Variants in ARID1B observed in about 807,000 individuals in gnomAD.
The protein encoded by ARID1B is AT-rich interactive domain-containing protein 1B.
A neutral mutation model predicts 212.3 loss-of-function variants in ARID1B; 30 were observed. The observed-to-expected ratio is 0.14, with a 90% confidence interval of 0.11 to 0.19. The LOEUF is 0.19. Ranked by LOEUF, ARID1B falls within the 10% of genes least tolerant of loss-of-function variation. ARID1B has a pLI of 1.00. For synonymous variants in ARID1B, 1,402 were observed against 1,301.7 expected (o/e 1.08, Z -1.66); for missense variants, 2,891 against 3,204.0 (o/e 0.90, Z 2.36).
intron 3 of ARID1B, among the ~76,000 whole-genome samples, chr6:156,905,740 C>T (rs541273747): frequency 6.6e-6 from 1 of 152,016 alleles, no homozygotes; most frequent in East Asian, 1.9e-4. Flanking sequence ...GTAGTATATC[C>T]TCATTATCCT....
intron 1 of ARID1B, among the ~76,000 whole-genome samples, chr6:156,823,575 A>C (rs1472132455): frequency 2.0e-5 from 3 of 152,204 alleles, no homozygotes; most frequent in Non-Finnish European, 4.4e-5. Context: ...TGTTTCCCGA[A>C]CAATGGTTCA....
chr6:156,959,182 T>C (rs1794180630), intron 4 of ARID1B, among the ~76,000 whole-genome samples: 5 of 152,124 alleles, frequency 3.3e-5, no homozygotes, highest in Admixed American at 3.3e-4. Context: ...TTGGGAAGGG[T>C]GAGTGTGGGA....
intron 2 of ARID1B, among the ~76,000 whole-genome samples, chr6:156,833,398 GTTAT>G (rs1024671993): frequency 9.9e-5 from 15 of 152,160 alleles, no homozygotes; most frequent in African/African-American, 2.6e-4. Context: ...CAGAAGCTGA[GTTAT>G]TTATTTGTGT....
chr6:156,883,829 A>T (rs1364092360), intron 2 of ARID1B, among the ~76,000 whole-genome samples: 1 of 152,108 alleles, frequency 6.6e-6, no homozygotes, highest in Non-Finnish European at 1.5e-5. Context: ...GTTTCCTGTT[A>T]ACCTGCCCTG....
chr6:157,036,977 T>C (rs950604077), intron 4 of ARID1B: 9 of 413,428 alleles, frequency 2.2e-5, no homozygotes, highest in Non-Finnish European at 4.2e-5. Context: ...TTAATCATAA[T>C]CAAAACACTG....
rs762465807 is a variant in ARID1B at position 157,203,965 on chromosome 6, A to C, written c.5363A>C (p.Asp1788Ala). The C allele has an allele frequency of 6.2e-7, 1 of 1,614,144 alleles. No homozygotes were observed. Among genetic ancestry groups the C allele is most frequent in the Non-Finnish European group, 8.5e-7 (1 of 1,180,004 alleles). ...LDTINILLYD[D>A]STVATFNLSQ... ...ACTATTAATATTCTTCTGTATGATGACAGCACTGTTGCTACTTTCAATCTC... is the reference window on the plus strand; with the variant it reads ...ACTATTAATATTCTTCTGTATGATGCCAGCACTGTTGCTACTTTCAATCTC... The change falls in exon 19 of 20, where the codon GAC becomes GCC. Residue 1788 changes from aspartate (D) to alanine (A), a missense_variant. Around this residue, in one of 7 missense-constraint regions of ARID1B, gnomAD observed 332 missense variants for 369.2 expected, o/e 0.90. Transcript: ENST00000636930. The surrounding 1 kb of genome is among the most constrained non-coding windows in gnomAD (Gnocchi z 4.4).
At position 157,167,326 on chromosome 6, in the gene ARID1B, A is replaced by G. The variant is rs1254776037; in HGVS notation, c.3235+141A>G. ...GAATCATACTACTTTTCTGCTTCTC[A>G]GAAACTTGCTCCATCTATTTAAGAC... is the stretch of plus-strand genomic sequence containing the variant. On this transcript the variant is annotated intron_variant, in intron 9 of 19. Transcript: ENST00000636930. 5.0e-6 allele frequency: 5 copies of G among 994,216 alleles called. No individual in the cohort carries two copies. In the East Asian group the frequency reaches 1.3e-4, roughly 26 times the overall value. 61.6% of individuals were successfully genotyped at this position (994,216 alleles called of 1,614,324 possible). A position where few individuals can be genotyped will look rare whatever the true frequency, so the allele number is the denominator to read the frequency against.
chr6:157,099,672 G>A (rs182390334), intron 5 of ARID1B, among the ~76,000 whole-genome samples: 16 of 152,258 alleles, frequency 1.1e-4, no homozygotes, highest in Admixed American at 5.2e-4. Flanking sequence ...TTTTCTACCT[G>A]TTGGCTGATC....
chr6:157,120,864 G>A (rs1350523367), intron 6 of ARID1B, among the ~76,000 whole-genome samples: 4 of 152,172 alleles, frequency 2.6e-5, no homozygotes, highest in South Asian at 2.1e-4. Context: ...GCTAGCTGAC[G>A]AGGCACCTTT....
intron 4 of ARID1B, among the ~76,000 whole-genome samples, chr6:157,034,681 A>G (rs1436837988): frequency 6.6e-6 from 1 of 152,210 alleles, no homozygotes; most frequent in Non-Finnish European, 1.5e-5. Context: ...AACTTAGGTA[A>G]AAATGCTCTT....
chr6:157,147,078 CTG>C (rs1400529167), intron 7 of ARID1B, among the ~76,000 whole-genome samples: 4 of 152,058 alleles, frequency 2.6e-5, no homozygotes, highest in Admixed American at 1.3e-4. Flanking sequence ...CCAGCACACA[CTG>C]TGGTTCAGCA....
At chr6:156,882,792 G>A (rs1787205322) in intron 2 of ARID1B, among the ~76,000 whole-genome samples, 2 of 152,194 alleles carry the variant, frequency 1.3e-5, no homozygotes, top group South Asian at 4.1e-4. Context: ...TGCTAGTTTT[G>A]GGTGAGGGAA....
At chr6:156,878,538 A>G (rs1002401721) in intron 2 of ARID1B, among the ~76,000 whole-genome samples, 1 of 152,158 alleles carries the variant, frequency 6.6e-6, no homozygotes, top group Non-Finnish European at 1.5e-5. Context: ...GTTTCTTTGT[A>G]TTACTGGCTA....
chr6:156,779,584 G>C, intron 1 of ARID1B, 113 bp downstream of exon 1: 1 of 1,096,216 alleles, frequency 9.1e-7, no homozygotes. Context: ...GGGCGGCGGG[G>C]GCGCGGCGCC....
intron 2 of ARID1B, among the ~76,000 whole-genome samples, chr6:156,858,545 C>G (rs1312388868): frequency 6.6e-6 from 1 of 152,144 alleles, no homozygotes; most frequent in Non-Finnish European, 1.5e-5. Context: ...GTGGTCAGAT[C>G]ACTTGAGGTC....
intron 3 of ARID1B, among the ~76,000 whole-genome samples, chr6:156,917,079 C>CT (rs1310706250): frequency 6.6e-6 from 1 of 152,018 alleles, no homozygotes; most frequent in Non-Finnish European, 1.5e-5. Context: ...CCAGAAAAAC[C>CT]TTTTTCTTTT....
intron 2 of ARID1B, among the ~76,000 whole-genome samples, chr6:156,876,424 T>C (rs1309376573): frequency 6.6e-6 from 1 of 152,168 alleles, no homozygotes; most frequent in Non-Finnish European, 1.5e-5. Flanking sequence ...GGCTCTACCC[T>C]GGACCACGGC....
intron 2 of ARID1B, among the ~76,000 whole-genome samples, chr6:156,872,809 C>G (rs1786248727): frequency 1.7e-5 from 2 of 116,708 alleles, no homozygotes; most frequent in Non-Finnish European, 3.7e-5. Flanking sequence ...GGATGTTGTT[C>G]GTGAGCCTGC....
chr6:156,885,488 C>T (rs1206793350), intron 2 of ARID1B, among the ~76,000 whole-genome samples: 2 of 152,144 alleles, frequency 1.3e-5, no homozygotes, highest in Non-Finnish European at 1.5e-5. Context: ...AGTAAGTCCT[C>T]CTCCCTTTCC....
Sources: allele counts gnomAD v4.1 joint callset (sites outside exome capture counted in the v4.1 genomes callset), GRCh38; gene constraint gnomAD v4.1.1; regional missense constraint gnomAD v4.1.1; non-coding constraint Gnocchi (gnomAD v3.1); transcripts MANE v1.5; gene names NCBI Gene and HGNC (gene_info 2026-07-23, HGNC 2026-07-21).